Variants in NHSL1 observed in about 807,000 individuals in gnomAD.
NHSL1 encodes NHS like 1, also known as NHS-like protein 1.
Under a neutral mutation model 95.0 loss-of-function variants are expected in NHSL1, and 48 were observed. The observed-to-expected ratio is 0.51, with a 90% CI of 0.40 to 0.64. NHSL1 has a LOEUF of 0.64. Among genes scored for constraint, NHSL1 ranks in the 30% least tolerant of loss-of-function variants. The pLI is 0.00. For synonymous variants in NHSL1, 783 were observed against 833.9 expected, an observed-to-expected ratio of 0.94 and a Z score of 1.05; for missense variants, 1,971 against 2,077.7, an observed-to-expected ratio of 0.95 and a Z score of 1.00.
At chr6:138,690,520 C>T (rs1313339182) in intron 1 of NHSL1, among the ~76,000 whole-genome samples, 1 of 151,826 alleles carries the variant, frequency 6.6e-6, no homozygotes, top group African/African-American at 2.4e-5. Flanking sequence ...GCAGGTGGAT[C>T]GCCTGAGGTT....
intron 3 of NHSL1, among the ~76,000 whole-genome samples, chr6:138,460,190 G>A (rs1777899998): frequency 6.6e-6 from 1 of 151,924 alleles, no homozygotes; most frequent in South Asian, 2.1e-4. Context: ...ATCTGGGCTT[G>A]GCATTTTTTT....
intron 1 of NHSL1, among the ~76,000 whole-genome samples, chr6:138,674,613 T>C (rs2114770804): frequency 6.6e-6 from 1 of 152,302 alleles, no homozygotes; most frequent in South Asian, 2.1e-4. Context: ...GATAATGGCT[T>C]CCCACTTCAT....
chr6:138,522,706 A>G (rs1190379351), intron 1 of NHSL1, among the ~76,000 whole-genome samples: 1 of 152,088 alleles, frequency 6.6e-6, no homozygotes. Flanking sequence ...AGCTACTCAG[A>G]AGGCTGAGCT....
At chr6:138,634,696 C>T (rs1299243670) in intron 1 of NHSL1, among the ~76,000 whole-genome samples, 1 of 151,994 alleles carries the variant, frequency 6.6e-6, no homozygotes, top group African/African-American at 2.4e-5. Flanking sequence ...ACCAAATAGA[C>T]CTAAGAGATA....
chr6:138,542,289 C>T (rs947433491), intron 1 of NHSL1, among the ~76,000 whole-genome samples: 27 of 152,294 alleles, frequency 1.8e-4, no homozygotes, highest in Non-Finnish European at 1.0e-4. Flanking sequence ...AGAGGGAGCA[C>T]GGCCCTGCCA....
chr6:138,521,930 C>A (rs933872880), intron 1 of NHSL1, among the ~76,000 whole-genome samples: 3 of 152,102 alleles, frequency 2.0e-5, no homozygotes, highest in Non-Finnish European at 4.4e-5. Context: ...GACTCTTGGT[C>A]AGAAAGAAGA....
chr6:138,441,872 C>T, intron 5 of NHSL1, 111 bp downstream of exon 5: 3 of 1,031,930 alleles, frequency 2.9e-6, no homozygotes, highest in South Asian at 2.3e-5. Context: ...CCCGTTGGGG[C>T]ACCAAACGGC....
chr6:138,655,265 C>T (rs1408158033), intron 1 of NHSL1, among the ~76,000 whole-genome samples: 3 of 152,092 alleles, frequency 2.0e-5, no homozygotes, highest in Non-Finnish European at 4.4e-5. Context: ...ATAACACTAC[C>T]TCTGTTTTAT....
At position 138,690,673 on chromosome 6, in the gene NHSL1, G is replaced by A. The variant is rs540440207; in HGVS notation, c.96+1803C>T. On this transcript the variant is annotated intron_variant, in intron 1 of 3. Transcript: ENST00000491526. ...GGAGGATTGCTTGAACCCAGGAGGC[G>A]GAGGGTGCAGTGAGCTGAGATTGCA... 7.2e-5 allele frequency among the ~76,000 whole-genome samples: 11 copies of A among 152,210 alleles called. No homozygotes were observed. In the South Asian group the frequency reaches 8.3e-4, roughly 11 times the overall value.
intron 5 of NHSL1, among the ~76,000 whole-genome samples, chr6:138,436,502 T>C (rs1776111230): frequency 6.6e-6 from 1 of 152,218 alleles, no homozygotes; most frequent in Non-Finnish European, 1.5e-5. Context: ...CAGAGGTTGT[T>C]TCATGAGGTT....
At chr6:138,585,371 G>C (rs562872403) in intron 1 of NHSL1, among the ~76,000 whole-genome samples, 1 of 152,320 alleles carries the variant, frequency 6.6e-6, no homozygotes, top group South Asian at 2.1e-4. Context: ...TGACCAACTT[G>C]TGTCATTTCA....
intron 1 of NHSL1, among the ~76,000 whole-genome samples, chr6:138,543,679 A>G (rs147738492): frequency 3.9e-5 from 6 of 152,362 alleles, no homozygotes; most frequent in African/African-American, 9.6e-5. Context: ...TTTCCAAAGT[A>G]AGAACACAAA....
At chr6:138,574,686 A>AAG (rs765715851), upstream of NHSL1, among the ~76,000 whole-genome samples, 2 of 146,286 alleles carry the variant, frequency 1.4e-5, no homozygotes, top group Non-Finnish European at 3.0e-5. Flanking sequence ...AAAAAAAAAA[A>AAG]AGAAAAGAAA....
At chr6:138,665,752 A>G (rs1040497109) in intron 1 of NHSL1, among the ~76,000 whole-genome samples, 1 of 152,152 alleles carries the variant, frequency 6.6e-6, no homozygotes, top group Non-Finnish European at 1.5e-5. Flanking sequence ...ATTGCATCCT[A>G]GACATTACTA....
At chr6:138,517,810 A>G (rs999573558) in intron 1 of NHSL1, among the ~76,000 whole-genome samples, 1 of 152,162 alleles carries the variant, frequency 6.6e-6, no homozygotes, top group Non-Finnish European at 1.5e-5. Flanking sequence ...GAGCCACTGA[A>G]GCAGCTCCCA....
At chr6:138,551,177 G>A (rs1356469132) in intron 1 of NHSL1, among the ~76,000 whole-genome samples, 3 of 152,152 alleles carry the variant, frequency 2.0e-5, no homozygotes, top group Non-Finnish European at 4.4e-5. Flanking sequence ...AGGTATGGAT[G>A]TATAAGAAAA....
upstream of NHSL1, among the ~76,000 whole-genome samples, chr6:138,500,014 T>A (rs952678241): frequency 7.9e-5 from 12 of 152,024 alleles, no homozygotes; most frequent in Non-Finnish European, 1.6e-4. Context: ...TCTTTGCCAG[T>A]GATTGAGAAT....
intron 5 of NHSL1, among the ~76,000 whole-genome samples, chr6:138,437,807 G>A (rs762466933): frequency 4.6e-5 from 7 of 152,192 alleles, no homozygotes; most frequent in South Asian, 2.1e-4. Context: ...CTGAAGTGAA[G>A]GAAGTGACTC....
upstream of NHSL1, among the ~76,000 whole-genome samples, chr6:138,575,625 T>C (rs1451408900): frequency 3.9e-5 from 6 of 152,262 alleles, no homozygotes. Flanking sequence ...AATTAACTAC[T>C]TTTACAACTG....
Sources: gnomAD v4.1 joint callset for allele counts (sites outside exome capture counted in the v4.1 genomes callset) on GRCh38, gnomAD v4.1.1 for gene constraint, MANE v1.5 for transcripts, NCBI Gene and HGNC (gene_info 2026-07-23, HGNC 2026-07-21) for gene names.